Variants in PXDNL observed in about 807,000 individuals in gnomAD.
The protein encoded by PXDNL is probable oxidoreductase PXDNL.
In PXDNL, 145 loss-of-function variants were observed where a neutral mutation model predicts 150.8. The ratio of observed to expected loss-of-function variants is 0.96; its 90% CI spans 0.84 to 1.10. PXDNL has a LOEUF of 1.10. Among genes scored for constraint, PXDNL ranks in the 50% least tolerant of loss-of-function variants. The pLI is 0.00. For missense variants in PXDNL, 2,087 were observed against 1,873.9 expected (o/e 1.11, Z -2.10); for synonymous variants, 757 against 725.7 (o/e 1.04, Z -0.69).
intron 5 of PXDNL, among the ~76,000 whole-genome samples, chr8:51,487,038 C>T (rs917629534): frequency 6.6e-5 from 10 of 151,480 alleles, no homozygotes; most frequent in African/African-American, 2.2e-4. Flanking sequence ...CGTGATCGGC[C>T]CGCCCCGGCT....
At chr8:51,809,012 T>G (rs555491241) in intron 1 of PXDNL, among the ~76,000 whole-genome samples, 169 bp downstream of exon 1, 1 of 152,322 alleles carries the variant, frequency 6.6e-6, no homozygotes, top group Admixed American at 6.5e-5. Context: ...GCTTACATTT[T>G]CTAGTCTAAC....
chr8:51,501,187 C>T (rs1467087335), intron 4 of PXDNL, among the ~76,000 whole-genome samples: 1 of 152,242 alleles, frequency 6.6e-6, no homozygotes, highest in South Asian at 2.1e-4. Flanking sequence ...GACATTTTAC[C>T]GTGGTGACAT....
intron 4 of PXDNL, among the ~76,000 whole-genome samples, chr8:51,549,577 A>G (rs1812438561): frequency 6.6e-6 from 1 of 152,192 alleles, no homozygotes; most frequent in African/African-American, 2.4e-5. Flanking sequence ...CTGCCCCTGA[A>G]TGATCTTTGG....
At chr8:51,676,617 C>A (rs1815628119) in intron 1 of PXDNL, among the ~76,000 whole-genome samples, 1 of 152,176 alleles carries the variant, frequency 6.6e-6, no homozygotes, top group African/African-American at 2.4e-5. Context: ...TCCTGTTCTC[C>A]AACAGCCCCT....
At chr8:51,570,933 T>C (rs1266835338) in intron 3 of PXDNL, among the ~76,000 whole-genome samples, 1 of 151,890 alleles carries the variant, frequency 6.6e-6, no homozygotes, top group African/African-American at 2.4e-5. Context: ...AAGTCATTTC[T>C]ATTCTCACTA....
intron 1 of PXDNL, among the ~76,000 whole-genome samples, chr8:51,657,627 T>C (rs1050988288): frequency 6.6e-6 from 1 of 152,238 alleles, no homozygotes; most frequent in Non-Finnish European, 1.5e-5. Flanking sequence ...TGTTTGCCTA[T>C]GCTAAATATT....
intron 9 of PXDNL, 53 bp downstream of exon 9, chr8:51,457,445 T>A: frequency 7.2e-7 from 1 of 1,386,372 alleles, no homozygotes; most frequent in Admixed American, 2.0e-5. Context: ...GCAGCAATAT[T>A]AGATCATTTT....
At chr8:51,604,199 C>T (rs1051740639) in intron 2 of PXDNL, among the ~76,000 whole-genome samples, 4 of 152,134 alleles carry the variant, frequency 2.6e-5, no homozygotes, top group African/African-American at 7.2e-5. Context: ...CACATGCACA[C>T]ATATGTTTAT....
At chr8:51,747,568 G>C (rs1012957435) in intron 1 of PXDNL, among the ~76,000 whole-genome samples, 1 of 152,170 alleles carries the variant, frequency 6.6e-6, no homozygotes, top group Non-Finnish European at 1.5e-5. Flanking sequence ...GCCAAGGAGC[G>C]GTCCAAGTTG....
At chr8:51,340,520 T>G (rs1298316842) in intron 20 of PXDNL, among the ~76,000 whole-genome samples, 2 of 152,246 alleles carry the variant, frequency 1.3e-5, no homozygotes, top group African/African-American at 2.4e-5. Flanking sequence ...AAGAAACCAT[T>G]ATAACTTTCA....
At chr8:51,411,428 G>C in intron 15 of PXDNL, 21 bp from the exon 16 acceptor site, 1 of 1,554,232 alleles carries the variant, frequency 6.4e-7, no homozygotes, top group Non-Finnish European at 8.6e-7. Flanking sequence ...CAAAACACAT[G>C]ATTCTTTACA....
chr8:51,460,461 C>G (rs959213607), intron 8 of PXDNL, among the ~76,000 whole-genome samples: 2 of 138,976 alleles, frequency 1.4e-5, no homozygotes, highest in African/African-American at 5.4e-5. Flanking sequence ...AGCCAGGAAG[C>G]CCTTCTCCCA....
At chr8:51,719,542 C>T (rs1031350799) in intron 1 of PXDNL, among the ~76,000 whole-genome samples, 51 of 152,158 alleles carry the variant, frequency 3.4e-4, no homozygotes, top group Admixed American at 2.7e-3. Flanking sequence ...AAACCAGAGA[C>T]CTTTGTTCAC....
chr8:51,362,257 C>T (rs932477777), intron 19 of PXDNL, among the ~76,000 whole-genome samples: 2 of 152,176 alleles, frequency 1.3e-5, no homozygotes, highest in Admixed American at 1.3e-4. Context: ...GCAATCCATG[C>T]TGAATCCAGT....
chr8:51,332,696 G>A (rs528860874), intron 21 of PXDNL, among the ~76,000 whole-genome samples: 1 of 152,198 alleles, frequency 6.6e-6, no homozygotes, highest in East Asian at 1.9e-4. Context: ...AAATGCTCTG[G>A]AAAGTCTCAG....
chr8:51,768,801 A>T (rs369499409), intron 1 of PXDNL, among the ~76,000 whole-genome samples: 10 of 152,358 alleles, frequency 6.6e-5, no homozygotes, highest in African/African-American at 2.4e-4. Context: ...CAGAATGAAT[A>T]AGAATGCACA....
chr8:51,456,279 G>T (rs1809936430), intron 9 of PXDNL, among the ~76,000 whole-genome samples: 1 of 152,118 alleles, frequency 6.6e-6, no homozygotes, highest in Non-Finnish European at 1.5e-5. Context: ...GTATGCTCCA[G>T]GATCTCCATC....
At chr8:51,803,154 G>T (rs1442358180) in intron 1 of PXDNL, among the ~76,000 whole-genome samples, 1 of 152,152 alleles carries the variant, frequency 6.6e-6, no homozygotes, top group African/African-American at 2.4e-5. Context: ...GGCTCACTGT[G>T]GGTTGGAGGC....
intron 6 of PXDNL, among the ~76,000 whole-genome samples, chr8:51,477,733 C>T (rs563136961): frequency 6.6e-6 from 1 of 152,278 alleles, no homozygotes; most frequent in Admixed American, 6.5e-5. Flanking sequence ...GGGAGCATCC[C>T]GAGCATGGCA....
Sources: allele counts gnomAD v4.1 joint callset (sites outside exome capture counted in the v4.1 genomes callset), GRCh38; gene constraint gnomAD v4.1.1; transcripts MANE v1.5; gene names NCBI Gene and HGNC (gene_info 2026-07-23, HGNC 2026-07-21).